The following DPP6 variants were observed in gnomAD, a reference collection of about 807,000 sequenced individuals.
DPP6 encodes dipeptidyl peptidase like 6.
DPP6 carries 69 observed loss-of-function variants against 122.6 expected under a neutral mutation model. That is an observed-to-expected ratio of 0.56 (90% CI 0.46 to 0.69). The LOEUF (loss-of-function observed/expected upper bound fraction) is 0.69, where lower values mean the gene tolerates loss of function less well. Among genes scored for constraint, DPP6 ranks in the 30% least tolerant of loss-of-function variants. The pLI, the probability that DPP6 is intolerant of heterozygous loss-of-function variation, is 0.00. For missense variants in DPP6, 928 were observed against 1,116.9 expected, an observed-to-expected ratio of 0.83 and a Z score of 2.41; for synonymous variants, 418 against 433.1, an observed-to-expected ratio of 0.97 and a Z score of 0.43.
the DPP6 span, among the ~76,000 whole-genome samples, chr7:153,787,109 G>A: frequency 4.0e-4 from 57 of 141,654 alleles, 3 homozygotes; most frequent in African/African-American, 1.5e-3. Context: ...CCACGACCAC[G>A]CCCGGCTAAT....
chr7:154,883,917 C>A (rs1304997678), intron 21 of DPP6: 1 of 126,616 alleles, frequency 7.9e-6, no homozygotes, highest in East Asian at 2.9e-4. Context: ...CATGCTCACA[C>A]ACGCTCACAC....
chr7:154,085,477 T>G (rs901295176), intron 1 of DPP6, among the ~76,000 whole-genome samples: 3 of 152,202 alleles, frequency 2.0e-5, no homozygotes, highest in Non-Finnish European at 2.9e-5. Flanking sequence ...TGTCTATTAT[T>G]TTCAGAAAAT....
intron 1 of DPP6, among the ~76,000 whole-genome samples, chr7:154,378,694 C>T (rs185314386): frequency 6.6e-6 from 1 of 152,318 alleles, no homozygotes; most frequent in African/African-American, 2.4e-5. Flanking sequence ...AGTCTGTTTT[C>T]ACACTGTCAT....
intron 1 of DPP6, among the ~76,000 whole-genome samples, chr7:154,343,651 G>T (rs1810123879): frequency 6.6e-6 from 1 of 152,196 alleles, no homozygotes; most frequent in Non-Finnish European, 1.5e-5. Flanking sequence ...TGCGATCTCG[G>T]CTCACTGCAC....
intron 17 of DPP6, among the ~76,000 whole-genome samples, chr7:154,864,257 T>G (rs1803669987): frequency 6.6e-6 from 1 of 152,178 alleles, no homozygotes; most frequent in African/African-American, 2.4e-5. Context: ...TGGTCACCAA[T>G]TTTCCAAAAT....
In DPP6 at chr7:154,052,667, C is replaced by T. The variant is rs34078338; in HGVS notation, c.-154C>T. 690 of 1,259,474 alleles carry T rather than the reference C, an allele frequency of 5.5e-4. 3 individuals are homozygous for T. Among genetic ancestry groups the T allele is most frequent in the East Asian group, 3.5e-3 (89 of 25,314 alleles). The allele number at this position is 1,259,474 out of a possible 1,614,324, so 78.0% of individuals were successfully genotyped here. A position where few individuals can be genotyped will look rare whatever the true frequency, so the allele number is the denominator to read the frequency against. ...CGCGAGTGGCGCGCGGGAGGAGCGGCCGCCGGCGCTGGGCTTGCCTTGCTG... is the reference window on the plus strand; with the variant it reads ...CGCGAGTGGCGCGCGGGAGGAGCGGTCGCCGGCGCTGGGCTTGCCTTGCTG... On this transcript the variant is annotated 5_prime_UTR_variant, in exon 1 of 26. Coordinates refer to ENST00000377770, the MANE Select transcript of DPP6 (RefSeq NM_130797.4). The surrounding 1 kb of genome is among the most constrained non-coding windows in gnomAD (Gnocchi z 4.8).
rs1046681849 is a variant in DPP6, at chr7:154,755,513, T to A, written c.884-13904T>A. The stretch of plus-strand genomic sequence containing the variant: ...GTTCCCTTAAGGGAAAAAATAAAGA[T>A]AATAATAGTGTCTACCTGGAGTGAT... On this transcript the variant is annotated intron_variant, in intron 8 of 25. Coordinates refer to ENST00000377770, the MANE Select transcript of DPP6 (RefSeq NM_130797.4). This position sits in a 1 kb window ranked among gnomAD's most constrained non-coding sequence, Gnocchi z 4.7. 2.0e-5 allele frequency among the ~76,000 whole-genome samples: 3 copies of A among 152,134 alleles called. No individual in the cohort carries two copies. The East Asian group carries it at 5.8e-4, about 29-fold the overall frequency.
intron 1 of DPP6, among the ~76,000 whole-genome samples, chr7:154,131,851 CTAATTA>C (rs1795300435): frequency 6.6e-6 from 1 of 152,060 alleles, no homozygotes; most frequent in Admixed American, 6.5e-5. Flanking sequence ...AACATAAATT[CTAATTA>C]TAATAGGAAT....
rs1839240279 is a variant in DPP6, at chr7:154,680,879, A to C, written c.762+11438A>C. ...AGTGCCGTTAATTCCACCGGTTTGA[A>C]AGCTCTGTTGCAAACCCTTCAGAGA... On this transcript the variant is annotated intron_variant, in intron 7 of 25. Transcript: ENST00000377770. Among the ~76,000 whole-genome samples the C allele has an allele frequency of 2.0e-5, 3 of 152,132 alleles. No individual in the cohort carries two copies. In the South Asian group the frequency reaches 6.2e-4, roughly 32 times the overall value.
At chr7:154,563,218 G>T (rs1276344944) in intron 4 of DPP6, among the ~76,000 whole-genome samples, 1 of 152,234 alleles carries the variant, frequency 6.6e-6, no homozygotes, top group African/African-American at 2.4e-5. Flanking sequence ...GAGTTGCAAA[G>T]GCCTTGAGAA....
chr7:154,888,672 T>G (rs1258801730), intron 23 of DPP6, among the ~76,000 whole-genome samples: 1 of 152,192 alleles, frequency 6.6e-6, no homozygotes, highest in Non-Finnish European at 1.5e-5. Flanking sequence ...CTTCTTCTCT[T>G]CCACCCCCTC....
At chr7:153,917,801 A>G (rs759911033) in intron 1 of DPP6, among the ~76,000 whole-genome samples, 1 of 152,236 alleles carries the variant, frequency 6.6e-6, no homozygotes, top group Non-Finnish European at 1.5e-5. Context: ...TTCAAATTGC[A>G]TCAGACTGAA....
chr7:153,842,873 TA>T, the DPP6 span, among the ~76,000 whole-genome samples: 1 of 152,220 alleles, frequency 6.6e-6, no homozygotes, highest in Non-Finnish European at 1.5e-5. Flanking sequence ...AAATCTCCTC[TA>T]AAAATTTTTC....
intron 1 of DPP6, among the ~76,000 whole-genome samples, chr7:154,080,110 G>T (rs901397427): frequency 6.6e-6 from 1 of 151,702 alleles, no homozygotes; most frequent in African/African-American, 2.4e-5. Context: ...TTATGAAAAA[G>T]GTCACTTTTC....
intron 1 of DPP6, among the ~76,000 whole-genome samples, chr7:154,041,451 G>A (rs1321952513): frequency 2.0e-5 from 3 of 152,180 alleles, no homozygotes; most frequent in Non-Finnish European, 4.4e-5. Flanking sequence ...GCCCTCTCGG[G>A]AACTCTGTGC....
At chr7:154,371,659 C>A (rs1006169817) in intron 1 of DPP6, among the ~76,000 whole-genome samples, 6 of 152,110 alleles carry the variant, frequency 3.9e-5, no homozygotes, top group Non-Finnish European at 8.8e-5. Flanking sequence ...AGCGATTCCT[C>A]CCTGAATCCC....
chr7:154,479,013 T>C (rs188399395), intron 3 of DPP6, among the ~76,000 whole-genome samples: 140 of 152,350 alleles, frequency 9.2e-4, no homozygotes, highest in Middle Eastern at 6.8e-3. Context: ...AAGTGTACCT[T>C]GGGTTTAATA....
intron 1 of DPP6, among the ~76,000 whole-genome samples, chr7:154,190,094 T>C (rs74879092): frequency 0.027 from 4,176 of 152,282 alleles, 200 homozygotes; most frequent in African/African-American, 0.095. Context: ...GCATATCTGA[T>C]TGATATGGAG....
chr7:154,459,596 G>A (rs1156496810), intron 2 of DPP6, among the ~76,000 whole-genome samples: 2 of 151,946 alleles, frequency 1.3e-5, no homozygotes, highest in Non-Finnish European at 2.9e-5. Context: ...TTGGGAGGCC[G>A]AGGCAGGCAG....
Sources: gnomAD v4.1 joint callset for allele counts (sites outside exome capture counted in the v4.1 genomes callset) on GRCh38, gnomAD v4.1.1 for gene constraint, Gnocchi (gnomAD v3.1) non-coding constraint, MANE v1.5 for transcripts, NCBI Gene and HGNC (gene_info 2026-07-23, HGNC 2026-07-21) for gene names.